The following PLPPR5 variants were observed in gnomAD, a reference collection of about 807,000 sequenced individuals.
The protein encoded by PLPPR5 is phospholipid phosphatase-related protein type 5.
PLPPR5 carries 16 observed loss-of-function variants against 33.9 expected under a neutral mutation model. That is an observed-to-expected ratio of 0.47 (90% CI 0.32 to 0.72). The LOEUF (loss-of-function observed/expected upper bound fraction) is 0.72, where lower values mean the gene tolerates loss of function less well. Among genes scored for constraint, PLPPR5 ranks in the 30% least tolerant of loss-of-function variants. The pLI is 0.03. For synonymous variants in PLPPR5, 163 were observed against 150.3 expected, an observed-to-expected ratio of 1.08 and a Z score of -0.62; for missense variants, 301 against 406.7, an observed-to-expected ratio of 0.74 and a Z score of 2.23.
At chr1:98,917,860 C>T (rs534182912) in intron 4 of PLPPR5, among the ~76,000 whole-genome samples, 3 of 152,134 alleles carry the variant, frequency 2.0e-5, no homozygotes, top group Admixed American at 6.5e-5. Context: ...TTTTTGCTCA[C>T]TGCTGTGTTC....
chr1:98,955,267 AG>A (rs1022916850), intron 2 of PLPPR5, among the ~76,000 whole-genome samples: 60 of 152,144 alleles, frequency 3.9e-4, no homozygotes, highest in Admixed American at 3.5e-3. Flanking sequence ...GAGACTTAAA[AG>A]CATACTGTAC....
At chr1:98,985,579 C>A (rs943236200) in intron 1 of PLPPR5, among the ~76,000 whole-genome samples, 22 of 152,036 alleles carry the variant, frequency 1.4e-4, no homozygotes, top group African/African-American at 4.8e-4. Flanking sequence ...CTCTCTGAAT[C>A]ACCAGAGCAA....
chr1:98,989,314 T>C (rs1362645255), intron 1 of PLPPR5, among the ~76,000 whole-genome samples: 1 of 152,116 alleles, frequency 6.6e-6, no homozygotes, highest in African/African-American at 2.4e-5. Context: ...ATAATAGTAC[T>C]CTCCTTGGTA....
intron 3 of PLPPR5, among the ~76,000 whole-genome samples, chr1:98,944,669 A>AG (rs1650492695): frequency 6.6e-6 from 1 of 152,240 alleles, no homozygotes; most frequent in Non-Finnish European, 1.5e-5. Context: ...GAATGGACTA[A>AG]GATACTGGGT....
At chr1:99,003,056 CATATATATATATAT>C (rs59686592) in intron 1 of PLPPR5, among the ~76,000 whole-genome samples, 5,059 of 81,160 alleles carry the variant, frequency 0.062, 192 homozygotes, top group Middle Eastern at 0.23. Context: ...ACTTATTTTA[CATATATATATATAT>C]ATATATATAT....
chr1:99,004,025 G>GGCCC (rs1479650501), intron 1 of PLPPR5, among the ~76,000 whole-genome samples: 2 of 152,130 alleles, frequency 1.3e-5, no homozygotes, highest in Admixed American at 1.3e-4. Flanking sequence ...TCTCCTCGCC[G>GGCCC]GCCCGCCCGC....
intron 3 of PLPPR5, among the ~76,000 whole-genome samples, chr1:98,947,718 T>A (rs915751969): frequency 6.6e-6 from 1 of 152,142 alleles, no homozygotes; most frequent in Non-Finnish European, 1.5e-5. Flanking sequence ...CTCACAAATG[T>A]CTTTTGTACT....
chr1:98,953,427 T>C, intron 2 of PLPPR5, 107 bp from the exon 3 acceptor site: 2 of 1,434,382 alleles, frequency 1.4e-6, no homozygotes, highest in Non-Finnish European at 1.9e-6. Context: ...AAAATGGAAA[T>C]ATTTTAGAAA....
At chr1:98,983,047 T>A (rs1652113309) in intron 1 of PLPPR5, among the ~76,000 whole-genome samples, 2 of 151,858 alleles carry the variant, frequency 1.3e-5, no homozygotes, top group Admixed American at 1.3e-4. Context: ...AACTGATAGC[T>A]GTTGCAGTAA....
chr1:98,917,338 A>G lies in PLPPR5; in HGVS notation c.799-2418T>C, dbSNP rs74552268. On this transcript the variant is annotated intron_variant, in intron 4 of 5. Coordinates refer to ENST00000263177, the MANE Select transcript of PLPPR5 (RefSeq NM_001037317.2). ...CCTCCACCAACTCCAAAAACGAAGC[A>G]ACTACCACCTGTTGCCTGGATTCCT... Among the ~76,000 whole-genome samples the G allele has an allele frequency of 7.4e-3, 1,132 of 152,314 alleles. 13 individuals are homozygous for G. The highest frequency in any genetic ancestry group is 0.025 in the African/African-American group (1,038 of 41,574).
intron 3 of PLPPR5, among the ~76,000 whole-genome samples, chr1:98,940,638 T>C (rs966253909): frequency 2.0e-5 from 3 of 151,860 alleles, no homozygotes; most frequent in Non-Finnish European, 4.4e-5. Flanking sequence ...GTTACTCCAG[T>C]GGCAAAGTGC....
chr1:99,005,547 C>T (rs536206199), upstream of PLPPR5, among the ~76,000 whole-genome samples: 10 of 152,282 alleles, frequency 6.6e-5, no homozygotes, highest in African/African-American at 2.4e-4. Context: ...TCTTGTACAG[C>T]GGCCCCTTCC....
intron 1 of PLPPR5, among the ~76,000 whole-genome samples, chr1:98,975,738 G>C (rs978278719): frequency 1.8e-4 from 28 of 151,912 alleles, no homozygotes; most frequent in African/African-American, 6.3e-4. Context: ...AAGGAAGAGG[G>C]GGACACTTCC....
At chr1:98,962,114 T>G (rs1244659084) in intron 1 of PLPPR5, among the ~76,000 whole-genome samples, 1 of 152,202 alleles carries the variant, frequency 6.6e-6, no homozygotes, top group Non-Finnish European at 1.5e-5. Context: ...AAGCTAAAAC[T>G]CTCATACATT....
intron 5 of PLPPR5, among the ~76,000 whole-genome samples, chr1:98,896,789 C>A (rs1342893055): frequency 6.6e-6 from 1 of 151,998 alleles, no homozygotes; most frequent in South Asian, 2.1e-4. Context: ...GCATGAAAAT[C>A]TCTATTTTAC....
At chr1:98,927,120 T>A (rs1312886626) in intron 3 of PLPPR5, among the ~76,000 whole-genome samples, 1 of 152,210 alleles carries the variant, frequency 6.6e-6, no homozygotes, top group African/African-American at 2.4e-5. Context: ...AGTCATAAAT[T>A]TTCTATACGG....
At position 98,921,863 on chromosome 1, in the gene PLPPR5, T is replaced by C. The variant is rs897352403; in HGVS notation, c.798+19A>G. 2 of 1,583,984 alleles carry C rather than the reference T, an allele frequency of 1.3e-6. No homozygotes were observed. The highest frequency in any genetic ancestry group is 1.8e-5 in the Admixed American group (1 of 54,384). On this transcript the variant is annotated intron_variant, in intron 4 of 5. Coordinates refer to ENST00000263177, the MANE Select transcript of PLPPR5 (RefSeq NM_001037317.2). Reference sequence around the variant, plus strand: ...AGTTAATTAAAAACCCAATGATATATAAATAAATTTGTACTTACCAGAAAT... The same window carrying C: ...AGTTAATTAAAAACCCAATGATATACAAATAAATTTGTACTTACCAGAAAT...
At chr1:98,939,360 A>G (rs973043339) in intron 3 of PLPPR5, among the ~76,000 whole-genome samples, 1 of 151,932 alleles carries the variant, frequency 6.6e-6, no homozygotes, top group East Asian at 1.9e-4. Context: ...AGATGTGCAG[A>G]TTAATTTTAA....
chr1:99,005,621 G>A (rs887172558), upstream of PLPPR5, among the ~76,000 whole-genome samples: 2 of 152,114 alleles, frequency 1.3e-5, no homozygotes, highest in African/African-American at 4.8e-5. Flanking sequence ...GTGAGAGGAG[G>A]CATTGCAGAT....
Sources: gnomAD v4.1 joint callset for allele counts (sites outside exome capture counted in the v4.1 genomes callset) on GRCh38, gnomAD v4.1.1 for gene constraint, MANE v1.5 for transcripts, NCBI Gene and HGNC (gene_info 2026-07-23, HGNC 2026-07-21) for gene names.